Variants in NAA16 observed in about 807,000 individuals in gnomAD.
NAA16 encodes N-alpha-acetyltransferase 16, NatA auxiliary subunit.
NAA16 carries 97 observed loss-of-function variants against 110.3 expected under a neutral mutation model. The observed-to-expected ratio is 0.88, with a 90% CI of 0.75 to 1.04. NAA16 has a LOEUF of 1.04. NAA16 is among the 50% of genes least tolerant of loss of function. The pLI is 0.00. For missense variants in NAA16, 1,017 were observed against 1,005.1 expected (o/e 1.01, Z -0.16); for synonymous variants, 372 against 330.6 (o/e 1.13, Z -1.36).
chr13:41,358,607 G>GTTAA, intron 11 of NAA16, 134 bp downstream of exon 11: 1 of 1,459,548 alleles, frequency 6.9e-7, no homozygotes, highest in Non-Finnish European at 9.0e-7. Context: ...GTAGTTTCAT[G>GTTAA]TTATATTAAT....
chr13:41,362,601 A>G lies in NAA16; in HGVS notation c.1539+442A>G, dbSNP rs1275619305. 5.3e-6 allele frequency: 4 copies of G among 752,978 alleles called. No individual in the cohort carries two copies. The African/African-American group carries it at 5.5e-5, about 10-fold the overall frequency. 46.6% of individuals were successfully genotyped at this position (752,978 alleles called of 1,614,324 possible). A position where few individuals can be genotyped will look rare whatever the true frequency, so the allele number is the denominator to read the frequency against. On this transcript the variant is annotated intron_variant, in intron 13 of 19. Transcript: ENST00000379406. The stretch of plus-strand genomic sequence containing the variant: ...CTCACATTCAGTATTCTGTATAACA[A>G]TCTATGGCCAGTTTGCAGGCTTATT...
In NAA16 at chr13:41,369,144, A is replaced by G. The variant is rs751903892; in HGVS notation, c.1808A>G (p.Gln603Arg). 2 of 1,589,866 alleles carry G rather than the reference A, an allele frequency of 1.3e-6. No individual in the cohort carries two copies. Among genetic ancestry groups the G allele is most frequent in the Non-Finnish European group, 1.7e-6 (2 of 1,173,818 alleles). Reference protein sequence around the residue: ...KKMLSKQRRAQKKAKLEEERK... With the variant: ...KKMLSKQRRARKKAKLEEERK... The stretch of plus-strand genomic sequence containing the variant: ...ATGCTTAGCAAGCAGAGAAGAGCTC[A>G]GAAAAAGGCTAAACTAGAAGAAGAA... Residue 603 changes from glutamine (Q) to arginine (R), a missense_variant, in exon 15 of 20, where the codon CAG becomes CGG. Physicochemically the swap from Gln to Arg is conservative, Grantham distance 43 (BLOSUM62 1). Transcript: ENST00000379406.
chr13:41,358,698 T>A, intron 11 of NAA16, 112 bp from the exon 12 acceptor site: 1 of 1,449,298 alleles, frequency 6.9e-7, no homozygotes, highest in Non-Finnish European at 9.1e-7. Flanking sequence ...TCTAAATAAA[T>A]TTGACAGAAA....
chr13:41,311,720 G>A, intron 1 of NAA16, 138 bp downstream of exon 1: 1 of 770,650 alleles, frequency 1.3e-6, no homozygotes, highest in Admixed American at 2.9e-5. Context: ...CGGAGGTCGC[G>A]GGACCCCACT....
In NAA16 at chr13:41,375,679, TATACGTATGA is replaced by T. The variant is rs1450140708; in HGVS notation, c.*79_*88del. On this transcript the variant is annotated 3_prime_UTR_variant, in exon 20 of 20. Transcript: ENST00000379406. ...GTTTCTTTTCCAGGGTGCATTTTAA[TATACGTATGA>T]AATGAAATATTTGGTTAGGATTTTT... 3 of 1,059,300 alleles carry T rather than the reference TATACGTATGA, an allele frequency of 2.8e-6. No homozygotes were observed. In the African/African-American group the frequency reaches 4.8e-5, roughly 17 times the overall value. The allele number at this position is 1,059,300 out of a possible 1,614,324, so 65.6% of individuals were successfully genotyped here. A position where few individuals can be genotyped will look rare whatever the true frequency, so the allele number is the denominator to read the frequency against.
intron 9 of NAA16, among the ~76,000 whole-genome samples, chr13:41,350,189 A>G (rs923273535): frequency 6.6e-6 from 1 of 150,922 alleles, no homozygotes; most frequent in Admixed American, 6.6e-5. Context: ...TTGAGCCTGG[A>G]AGGTTGAAGG....
chr13:41,319,358 A>G (rs1566241809), intron 3 of NAA16, among the ~76,000 whole-genome samples: 1 of 152,234 alleles, frequency 6.6e-6, no homozygotes, highest in Admixed American at 6.5e-5. Flanking sequence ...TTTGAGAAGA[A>G]AAACTTAAAC....
chr13:41,334,543 G>A (rs1177800172), intron 8 of NAA16, among the ~76,000 whole-genome samples: 1 of 152,078 alleles, frequency 6.6e-6, no homozygotes, highest in Non-Finnish European at 1.5e-5. Context: ...CATGTTTTGG[G>A]GACATCATGC....
Position 41,375,346 on chromosome 13 carries a change from G to A in NAA16, c.2398-59G>A, listed in dbSNP as rs1022029055. On this transcript the variant is annotated intron_variant, in intron 19 of 19. Transcript: ENST00000379406. ...CACATTGCATCTTTTGATTAAAGTG[G>A]TTATTAACTGCGAGCTTATTATTTT... 55 of 1,247,122 alleles carry A rather than the reference G, an allele frequency of 4.4e-5. No homozygotes were observed. In the Middle Eastern group the frequency reaches 6.6e-4, roughly 15 times the overall value. The allele number at this position is 1,247,122 out of a possible 1,614,324, so 77.3% of individuals were successfully genotyped here.
chr13:41,373,881 G>C (rs1026311204), intron 18 of NAA16, 101 bp downstream of exon 18: 1 of 1,422,646 alleles, frequency 7.0e-7, no homozygotes, highest in African/African-American at 1.5e-5. Context: ...AGTACTGTGT[G>C]TAAGTATGGG....
chr13:41,323,144 A>G lies in NAA16; in HGVS notation c.491A>G (p.Tyr164Cys). 1.9e-6 allele frequency: 3 copies of G among 1,614,126 alleles called. No homozygotes were observed. Among genetic ancestry groups the G allele is most frequent in the Non-Finnish European group, 1.7e-6 (2 of 1,179,970 alleles). ...ATTGCATACCATTTGCTGAAAGATT[A>G]TGATATGGCCCTAAAACTGTTGGAA... is the stretch of plus-strand genomic sequence containing the variant. ...YAIAYHLLKD[Y>C]DMALKLLEEF... is the part of the protein sequence containing the mutation. The change falls in exon 5 of 20, where the codon TAT (tyrosine) becomes TGT (cysteine). Residue 164 changes from tyrosine (Y) to cysteine (C), a missense_variant. By Grantham distance (194) the Tyr-to-Cys change is radical. Coordinates refer to ENST00000379406, the MANE Select transcript of NAA16 (RefSeq NM_024561.5).
In NAA16 at chr13:41,331,366, C is replaced by G. The variant is rs1410637020; in HGVS notation, c.904C>G (p.Pro302Ala). 1 of 1,574,504 alleles carries G rather than the reference C, an allele frequency of 6.4e-7. No individual in the cohort carries two copies. Among genetic ancestry groups the G allele is most frequent in the Admixed American group, 1.7e-5 (1 of 59,094 alleles). The change falls in exon 8 of 20, where the codon CCA becomes GCA. Residue 302 changes from proline to alanine, a missense_variant. Physicochemically the swap from Pro to Ala is conservative, Grantham distance 27. Transcript: ENST00000379406. ...CAGAAGATTACCTTTGACTCTTGTCCCAGGTAATATTAAGATGTCTTTTAT... is the reference window on the plus strand; with the variant it reads ...CAGAAGATTACCTTTGACTCTTGTCGCAGGTAATATTAAGATGTCTTTTAT... The part of the protein sequence containing the change: ...TPRRLPLTLV[P>A]GERFRELMDK...
At chr13:41,329,295 A>C (rs1200121134) in intron 7 of NAA16, among the ~76,000 whole-genome samples, 1 of 152,012 alleles carries the variant, frequency 6.6e-6, no homozygotes, top group African/African-American at 2.4e-5. Flanking sequence ...AACTAGGCTA[A>C]TTTGTGTAGA....
At chr13:41,313,865 C>CT (rs35329834) in intron 1 of NAA16, among the ~76,000 whole-genome samples, 103,738 of 144,208 alleles carry the variant, frequency 0.72, 39,169 homozygotes, top group South Asian at 0.88. Context: ...GTAGATTTGT[C>CT]TTTTTTTTTT....
intron 9 of NAA16, among the ~76,000 whole-genome samples, chr13:41,342,658 A>G (rs1593468451): frequency 6.6e-6 from 1 of 152,204 alleles, no homozygotes; most frequent in Admixed American, 6.5e-5. Flanking sequence ...AGAAGATTTT[A>G]TATGTACCAT....
At position 41,311,582 on chromosome 13, in the gene NAA16, G is replaced by T. The variant is rs761861488; in HGVS notation, c.54G>T (p.Leu18Phe). 1.2e-6 allele frequency: 2 copies of T among 1,606,982 alleles called. No individual in the cohort carries two copies. Among genetic ancestry groups the T allele is most frequent in the South Asian group, 2.2e-5 (2 of 89,940 alleles). The change falls in exon 1 of 20, where the codon TTG (leucine) becomes TTT (phenylalanine). Residue 18 changes from leucine (L) to phenylalanine (F), a missense_variant and splice_region_variant. By Grantham distance (22) the Leu-to-Phe change is conservative. Transcript: ENST00000379406. ...PKESNLFKRI[L>F]KCYEQKQYKN... The stretch of plus-strand genomic sequence containing the variant: ...AGAGCAACCTCTTCAAACGCATCTT[G>T]GTGAGTGGCCGTAGGCCGCGCTGCC...
At chr13:41,336,162 TAAAA>T (rs140758616) in intron 8 of NAA16, among the ~76,000 whole-genome samples, 3 of 150,914 alleles carry the variant, frequency 2.0e-5, no homozygotes, top group African/African-American at 7.3e-5. Context: ...AAGTTCTATT[TAAAA>T]AAAAATTTTT....
At chr13:41,324,430 C>A (rs1179743591) in intron 5 of NAA16, among the ~76,000 whole-genome samples, 1 of 113,296 alleles carries the variant, frequency 8.8e-6, no homozygotes, top group South Asian at 3.0e-4. Context: ...GGCTAGAGTT[C>A]AGTGGTGCAA....
chr13:41,329,506 ATTT>A (rs35949933), intron 7 of NAA16, among the ~76,000 whole-genome samples: 4 of 138,736 alleles, frequency 2.9e-5, no homozygotes, highest in Non-Finnish European at 6.3e-5. Context: ...AAACAGCAGA[ATTT>A]TTTTTTTTTT....
Sources: gnomAD v4.1 joint callset for allele counts (sites outside exome capture counted in the v4.1 genomes callset) on GRCh38, gnomAD v4.1.1 for gene constraint, MANE v1.5 for transcripts, NCBI Gene and HGNC (gene_info 2026-07-23, HGNC 2026-07-21) for gene names.